The following RIMBP2 variants were observed in gnomAD, a reference collection of about 807,000 sequenced individuals.
RIMBP2 encodes RIMS-binding protein 2.
Under a neutral mutation model 118.6 loss-of-function variants are expected in RIMBP2, and 48 were observed. The ratio of observed to expected loss-of-function variants is 0.40; its 90% confidence interval spans 0.32 to 0.51. The LOEUF is 0.51. Among genes scored for constraint, RIMBP2 ranks in the 20% least tolerant of loss-of-function variants. RIMBP2 has a pLI of 0.41. For missense variants in RIMBP2, 1,551 were observed against 1,768.3 expected (o/e 0.88, Z 2.20); for synonymous variants, 762 against 742.9 (o/e 1.03, Z -0.42).
chr12:130,715,045 C>T (rs1424122640), intron 1 of RIMBP2, among the ~76,000 whole-genome samples: 1 of 152,338 alleles, frequency 6.6e-6, no homozygotes, highest in Admixed American at 6.5e-5. Context: ...GCCGCAGGGC[C>T]CAGAGCCCGG....
At chr12:130,517,383 T>C (rs1368931172) in intron 3 of RIMBP2, among the ~76,000 whole-genome samples, 8 of 152,108 alleles carry the variant, frequency 5.3e-5, no homozygotes, top group Non-Finnish European at 1.2e-4. Context: ...AGATTCCTTT[T>C]CTTTATAAAG....
intron 6 of RIMBP2, among the ~76,000 whole-genome samples, chr12:130,464,479 C>T (rs896843251): frequency 1.3e-5 from 2 of 152,086 alleles, no homozygotes; most frequent in Non-Finnish European, 1.5e-5. Flanking sequence ...TGAATACCTA[C>T]TATGTGCCAG....
chr12:130,659,240 C>T (rs11061062), intron 1 of RIMBP2, among the ~76,000 whole-genome samples: 35,246 of 152,124 alleles, frequency 0.23, 4,466 homozygotes, highest in East Asian at 0.3. Flanking sequence ...TCAATGTATC[C>T]GAAATATTAC....
At chr12:130,700,772 A>G (rs2065818993) in intron 1 of RIMBP2, among the ~76,000 whole-genome samples, 1 of 152,232 alleles carries the variant, frequency 6.6e-6, no homozygotes, top group Non-Finnish European at 1.5e-5. Context: ...TGACAGCTGC[A>G]GGAAACTGAT....
At position 130,431,498 on chromosome 12, in the gene RIMBP2, C is replaced by A; in HGVS notation, c.2254-3161G>T. ...TGAATTGAATCAATATTTAACGTTACTTTTAAAGAAAATATCTCAACTGTA... is the reference window on the plus strand; with the variant it reads ...TGAATTGAATCAATATTTAACGTTAATTTTAAAGAAAATATCTCAACTGTA... On this transcript the variant is annotated intron_variant, in intron 14 of 22. Coordinates refer to ENST00000690449, the MANE Select transcript of RIMBP2 (RefSeq NM_001393629.1). The surrounding 1 kb of genome is among the most constrained non-coding windows in gnomAD (Gnocchi z 4.0). The A allele has an allele frequency of 3.0e-6, 1 of 336,574 alleles. No individual in the cohort carries two copies. 20.8% of individuals were successfully genotyped at this position (336,574 alleles called of 1,614,324 possible).
intron 14 of RIMBP2, chr12:130,428,789 T>A (rs939263040): frequency 6.5e-6 from 1 of 154,256 alleles, no homozygotes; most frequent in African/African-American, 2.4e-5. Flanking sequence ...TAAGGTGAGG[T>A]GTATATGTAC....
chr12:130,508,103 C>T (rs1313347456), intron 3 of RIMBP2, among the ~76,000 whole-genome samples: 4 of 152,130 alleles, frequency 2.6e-5, no homozygotes, highest in African/African-American at 7.2e-5. Flanking sequence ...GAAAATGTCA[C>T]GACCTATTTG....
chr12:130,456,739 T>G, intron 6 of RIMBP2, 39 bp from the exon 7 acceptor site: 1 of 1,517,064 alleles, frequency 6.6e-7, no homozygotes, highest in Non-Finnish European at 9.0e-7. Flanking sequence ...AGCGGTGGCA[T>G]TTGGTGGTGG....
At chr12:130,674,202 C>T (rs1444020516) in intron 1 of RIMBP2, among the ~76,000 whole-genome samples, 2 of 152,178 alleles carry the variant, frequency 1.3e-5, no homozygotes, top group South Asian at 2.1e-4. Flanking sequence ...CCTTCTCCTT[C>T]GCTTCTCTCT....
intron 1 of RIMBP2, among the ~76,000 whole-genome samples, chr12:130,702,703 T>G (rs1424766700): frequency 6.6e-6 from 1 of 152,082 alleles, no homozygotes; most frequent in Non-Finnish European, 1.5e-5. Flanking sequence ...TTGTTAGTAT[T>G]AATTTCTTTT....
At chr12:130,454,690 GT>G (rs1416210503) in intron 7 of RIMBP2, among the ~76,000 whole-genome samples, 1 of 152,226 alleles carries the variant, frequency 6.6e-6, no homozygotes, top group Non-Finnish European at 1.5e-5. Flanking sequence ...GTACCACTTT[GT>G]TTTTTTGGTT....
At position 130,442,986 on chromosome 12, in the gene RIMBP2, C is replaced by A. The variant is rs980336429; in HGVS notation, c.692-326G>T. On this transcript the variant is annotated intron_variant, in intron 10 of 22. Coordinates refer to ENST00000690449, the MANE Select transcript of RIMBP2 (RefSeq NM_001393629.1). The surrounding 1 kb of genome is among the most constrained non-coding windows in gnomAD (Gnocchi z 6.9). Reference sequence around the variant, plus strand: ...CTCAGGGACAGCAGGGACCACACGACTATTGAATGCCCAGCCCTAGAGTGA... The same window carrying A: ...CTCAGGGACAGCAGGGACCACACGAATATTGAATGCCCAGCCCTAGAGTGA... 2.0e-5 allele frequency among the ~76,000 whole-genome samples: 3 copies of A among 152,216 alleles called. No individual in the cohort carries two copies. The highest frequency in any genetic ancestry group is 7.2e-5 in the African/African-American group (3 of 41,464).
intron 17 of RIMBP2, among the ~76,000 whole-genome samples, chr12:130,417,219 C>T (rs1366819326): frequency 1.3e-5 from 2 of 152,202 alleles, no homozygotes; most frequent in African/African-American, 4.8e-5. Context: ...CCATTTGACA[C>T]ACCAGTGCCA....
Position 130,446,963 on chromosome 12 carries a change from A to T in RIMBP2, c.582-1694T>A, listed in dbSNP as rs1160061697. Among the ~76,000 whole-genome samples, 2 of 142,756 alleles carry T rather than the reference A, an allele frequency of 1.4e-5. No homozygotes were observed. Among genetic ancestry groups the T allele is most frequent in the Non-Finnish European group, 3.0e-5 (2 of 66,738 alleles). 93.7% of individuals were successfully genotyped at this position (142,756 alleles called of 152,430 possible). A position where few individuals can be genotyped will look rare whatever the true frequency, so the allele number is the denominator to read the frequency against. On this transcript the variant is annotated intron_variant, in intron 9 of 22. Transcript: ENST00000690449. This position sits in a 1 kb window ranked among gnomAD's most constrained non-coding sequence, Gnocchi z 4.1. ...GGAGGACCCTCGGCTTTCTGGCCTC[A>T]GGGTGAGCAGGCGGGGACACAAGTC...
At chr12:130,472,801 G>A (rs994484466) in intron 5 of RIMBP2, among the ~76,000 whole-genome samples, 1 of 152,154 alleles carries the variant, frequency 6.6e-6, no homozygotes, top group African/African-American at 2.4e-5. Context: ...ATTCATATGA[G>A]TTCCATTCTC....
intron 1 of RIMBP2, among the ~76,000 whole-genome samples, chr12:130,644,589 G>A (rs773394476): frequency 1.3e-5 from 2 of 152,202 alleles, no homozygotes; most frequent in East Asian, 1.9e-4. Flanking sequence ...GCACACCTGC[G>A]TCTAAGCCCA....
At chr12:130,493,624 A>G (rs1435841531) in intron 4 of RIMBP2, among the ~76,000 whole-genome samples, 1 of 152,018 alleles carries the variant, frequency 6.6e-6, no homozygotes, top group African/African-American at 2.4e-5. Context: ...CTGGTTTTCA[A>G]TTTTAATGTC....
chr12:130,460,695 G>A (rs2079899302), intron 6 of RIMBP2, among the ~76,000 whole-genome samples: 1 of 152,182 alleles, frequency 6.6e-6, no homozygotes. Context: ...AATATTAGCA[G>A]CAGCAACAGC....
chr12:130,422,361 G>T lies in RIMBP2; in HGVS notation c.3238+92C>A. On this transcript the variant is annotated intron_variant, in intron 17 of 22. Transcript: ENST00000690449. This position sits in a 1 kb window ranked among gnomAD's most constrained non-coding sequence, Gnocchi z 5.2. ...CAGTGTTCTTTGCTTAGCGGAAAAT[G>T]CTACTCCTAAAGTTTTGTTCATGCT... The T allele has an allele frequency of 1.3e-6, 1 of 766,778 alleles. No individual in the cohort carries two copies. The highest frequency in any genetic ancestry group is 2.1e-6 in the Non-Finnish European group (1 of 469,408). The allele number at this position is 766,778 out of a possible 1,614,324, so 47.5% of individuals were successfully genotyped here.
Sources: allele counts gnomAD v4.1 joint callset (sites outside exome capture counted in the v4.1 genomes callset), GRCh38; gene constraint gnomAD v4.1.1; non-coding constraint Gnocchi (gnomAD v3.1); transcripts MANE v1.5; gene names NCBI Gene and HGNC (gene_info 2026-07-23, HGNC 2026-07-21).